CSMD3: variants seen among roughly 807,000 people sequenced by gnomAD.
CSMD3 encodes the protein CUB and Sushi multiple domains 3.
CSMD3 carries 177 observed loss-of-function variants against 435.2 expected under a neutral mutation model. That is an observed-to-expected ratio of 0.41 (90% CI 0.36 to 0.46). The LOEUF (loss-of-function observed/expected upper bound fraction) is 0.46. CSMD3 is among the 20% of genes least tolerant of loss of function. The pLI is 0.34. For missense variants in CSMD3, 4,265 were observed against 4,504.6 expected (o/e 0.95, Z 1.52); for synonymous variants, 1,656 against 1,520.5 (o/e 1.09, Z -2.07).
At chr8:112,425,852 A>G (rs1452164975) in intron 32 of CSMD3, among the ~76,000 whole-genome samples, 1 of 152,186 alleles carries the variant, frequency 6.6e-6, no homozygotes, top group Non-Finnish European at 1.5e-5. Flanking sequence ...AAGAAAACAA[A>G]TATTAAAGTA....
intron 32 of CSMD3, among the ~76,000 whole-genome samples, chr8:112,419,035 G>T (rs1196164504): frequency 6.6e-6 from 1 of 152,098 alleles, no homozygotes; most frequent in Non-Finnish European, 1.5e-5. Flanking sequence ...AAAATAATTG[G>T]ACATCTAAGA....
chr8:113,032,452 A>C (rs1030802038), intron 5 of CSMD3, among the ~76,000 whole-genome samples: 2 of 151,586 alleles, frequency 1.3e-5, no homozygotes, highest in African/African-American at 4.8e-5. Context: ...CTTCTGCTCT[A>C]GAGATTTATG....
At chr8:112,327,262 G>T (rs1432056310) in intron 45 of CSMD3, among the ~76,000 whole-genome samples, 2 of 152,106 alleles carry the variant, frequency 1.3e-5, no homozygotes, top group Admixed American at 1.3e-4. Context: ...ATATGCTTTG[G>T]TTACTCAGGA....
In CSMD3 at chr8:113,356,241, AC is replaced by A. The variant is rs557348578; in HGVS notation, c.179-41449del. Among the ~76,000 whole-genome samples the A allele has an allele frequency of 2.6e-5, 4 of 152,216 alleles. No homozygotes were observed. In the East Asian group the frequency reaches 7.8e-4, roughly 30 times the overall value. ...ACACACATGTTCTGCTCATTAGTTT[AC>A]CCCCAGTTTTAGTGCATATTCAGCA... On this transcript the variant is annotated intron_variant, in intron 1 of 70. Coordinates refer to ENST00000297405, the MANE Select transcript of CSMD3 (RefSeq NM_198123.2).
chr8:112,443,662 T>C (rs1331493276), intron 32 of CSMD3, among the ~76,000 whole-genome samples: 1 of 152,058 alleles, frequency 6.6e-6, no homozygotes, highest in African/African-American at 2.4e-5. Context: ...GCCCTAGTTA[T>C]CTTTATATTA....
chr8:112,796,272 T>C (rs1173286761), intron 13 of CSMD3, among the ~76,000 whole-genome samples: 1 of 152,132 alleles, frequency 6.6e-6, no homozygotes, highest in Non-Finnish European at 1.5e-5. Context: ...CCATTCATGT[T>C]CATTCATTTA....
intron 1 of CSMD3, among the ~76,000 whole-genome samples, chr8:113,405,500 A>G (rs879292487): frequency 6.6e-6 from 1 of 151,736 alleles, no homozygotes; most frequent in African/African-American, 2.4e-5. Flanking sequence ...GTGATTCTAT[A>G]GAAGTGTTTT....
chr8:113,182,917 C>A (rs1238692287), intron 3 of CSMD3, among the ~76,000 whole-genome samples: 5 of 151,942 alleles, frequency 3.3e-5, no homozygotes, highest in African/African-American at 1.2e-4. Context: ...CTATCAAGGC[C>A]CACTATAGTT....
intron 24 of CSMD3, among the ~76,000 whole-genome samples, chr8:112,571,838 C>T (rs779668337): frequency 3.3e-5 from 5 of 149,724 alleles, no homozygotes; most frequent in Non-Finnish European, 7.4e-5. Flanking sequence ...CATTGCACTC[C>T]GGCCTGGGCA....
chr8:113,378,696 G>A (rs187780607), intron 1 of CSMD3, among the ~76,000 whole-genome samples: 3 of 152,010 alleles, frequency 2.0e-5, no homozygotes, highest in Non-Finnish European at 4.4e-5. Context: ...AGCTAGGGGA[G>A]ATATTGCCAC....
At chr8:113,077,627 T>C (rs906904644) in intron 5 of CSMD3, among the ~76,000 whole-genome samples, 1 of 151,982 alleles carries the variant, frequency 6.6e-6, no homozygotes, top group Non-Finnish European at 1.5e-5. Context: ...CGCTTGAACC[T>C]GGGAGGCAGA....
rs201272387 is a variant in CSMD3, at chr8:112,254,713, C to T, written c.10037-387G>A. On this transcript the variant is annotated intron_variant, in intron 62 of 70. Coordinates refer to ENST00000297405, the MANE Select transcript of CSMD3 (RefSeq NM_198123.2). ...GGGTAATATTTCTTTGAAGAAATAA[C>T]AGTTTTTTCCCAGAAACAGGACTTG... 5.3e-4 allele frequency among the ~76,000 whole-genome samples: 81 copies of T among 152,110 alleles called. 2 individuals carry two copies. The East Asian group carries it at 0.012, about 23-fold the overall frequency.
At chr8:112,537,508 A>C (rs567368142) in intron 27 of CSMD3, among the ~76,000 whole-genome samples, 111 of 152,106 alleles carry the variant, frequency 7.3e-4, no homozygotes, top group Non-Finnish European at 1.4e-3. Context: ...AAGAGAAAAG[A>C]GAGAAGCCTC....
chr8:112,380,522 G>A (rs942759629), intron 37 of CSMD3, 66 bp from the exon 38 acceptor site: 5 of 861,720 alleles, frequency 5.8e-6, no homozygotes, highest in South Asian at 5.4e-5. Flanking sequence ...AATTAAGTAA[G>A]TTTACTAATC....
chr8:113,278,562 A>G, intron 3 of CSMD3, 30 bp downstream of exon 3: 1 of 1,000,250 alleles, frequency 1.0e-6, no homozygotes, highest in South Asian at 1.3e-5. Flanking sequence ...CATTAAGGGC[A>G]GTGGTTTGTT....
intron 10 of CSMD3, among the ~76,000 whole-genome samples, chr8:112,885,187 C>G (rs1035307503): frequency 2.0e-5 from 3 of 151,598 alleles, no homozygotes; most frequent in African/African-American, 7.3e-5. Context: ...TAAGTGTTTA[C>G]TGAGTGATTG....
At chr8:112,953,517 G>A (rs1174328867) in intron 8 of CSMD3, among the ~76,000 whole-genome samples, 1 of 151,448 alleles carries the variant, frequency 6.6e-6, no homozygotes, top group Middle Eastern at 3.4e-3. Context: ...TTTTGAAACA[G>A]GTAACCCTAC....
At chr8:112,376,598 G>T (rs963696800) in intron 38 of CSMD3, among the ~76,000 whole-genome samples, 2 of 151,964 alleles carry the variant, frequency 1.3e-5, no homozygotes, top group Admixed American at 6.6e-5. Context: ...ATGTTGAGGA[G>T]CTAATACTCA....
Position 113,130,717 on chromosome 8 carries a change from A to C in CSMD3, c.710-31754T>G, listed in dbSNP as rs148996312. 5.9e-5 allele frequency among the ~76,000 whole-genome samples: 9 copies of C among 152,304 alleles called. No individual in the cohort carries two copies. The East Asian group carries it at 1.7e-3, about 29-fold the overall frequency. On this transcript the variant is annotated intron_variant, in intron 4 of 70. Coordinates refer to ENST00000297405, the MANE Select transcript of CSMD3 (RefSeq NM_198123.2). ...GACTTTGGAACTGGGTAATGAACAGACATTAGAACAGTTTGGAGGGCTCAG... is the reference window on the plus strand; with the variant it reads ...GACTTTGGAACTGGGTAATGAACAGCCATTAGAACAGTTTGGAGGGCTCAG...
Sources: allele counts gnomAD v4.1 joint callset (sites outside exome capture counted in the v4.1 genomes callset), GRCh38; gene constraint gnomAD v4.1.1; transcripts MANE v1.5; gene names NCBI Gene and HGNC (gene_info 2026-07-23, HGNC 2026-07-21).